BRCA1: variants seen among roughly 807,000 people sequenced by gnomAD.
BRCA1 encodes BRCA1 DNA repair associated.
A neutral mutation model predicts 173.7 loss-of-function variants in BRCA1; 140 were observed. The observed-to-expected ratio is 0.81, with a 90% confidence interval of 0.70 to 0.93. The LOEUF (loss-of-function observed/expected upper bound fraction) is 0.93. Among genes scored for constraint, BRCA1 ranks in the 40% least tolerant of loss-of-function variants. The pLI is 0.00. For synonymous variants in BRCA1, 662 were observed against 756.0 expected, an observed-to-expected ratio of 0.88 and a Z score of 2.04; for missense variants, 1,983 against 2,172.5, an observed-to-expected ratio of 0.91 and a Z score of 1.73.
chr17:43,145,183 G>A, intron 1 of BRCA1: 1 of 709,146 alleles, frequency 1.4e-6, no homozygotes. Flanking sequence ...TTTACCTGCA[G>A]AAAACAGGGG....
intron 3 of BRCA1, among the ~76,000 whole-genome samples, chr17:43,113,360 G>A (rs577051957): frequency 8.2e-5 from 12 of 146,922 alleles, no homozygotes; most frequent in Non-Finnish European, 1.8e-4. Flanking sequence ...TTTCCTGGAT[G>A]TATTTTCTTT....
chr17:43,131,112 A>T (rs2055961338), intron 1 of BRCA1: 1 of 182,460 alleles, frequency 5.5e-6, no homozygotes, highest in Non-Finnish European at 1.3e-5. Flanking sequence ...TTTTTTAACC[A>T]TATAAAATAT....
At position 43,093,913 on chromosome 17, in the gene BRCA1, C is replaced by T. The variant is rs730881471; in HGVS notation, c.1618G>A (p.Glu540Lys). 1 of 1,613,904 alleles carries T rather than the reference C, an allele frequency of 6.2e-7. No homozygotes were observed. The highest frequency in any genetic ancestry group is 1.7e-4 in the Middle Eastern group (1 of 6,056). ...EMINQGTNQT[E>K]QNGQVMNITN... The stretch of plus-strand genomic sequence containing the variant: ...ATATTCATCACTTGACCATTCTGCT[C>T]CGTTTGGTTAGTTCCCTGATTTATC... The change falls in exon 10 of 23, where the codon GAG (glutamate) becomes AAG (lysine). Residue 540 changes from glutamate (E) to lysine (K), a missense_variant. Glu to Lys is a moderately conservative substitution (Grantham distance 56). Coordinates refer to ENST00000357654, the MANE Select transcript of BRCA1 (RefSeq NM_007294.4).
intron 21 of BRCA1, 57 bp downstream of exon 21, chr17:43,049,064 T>A: frequency 6.5e-7 from 1 of 1,545,614 alleles, no homozygotes; most frequent in Non-Finnish European, 8.9e-7. Context: ...GGTGCCAGTC[T>A]TGCTCACAGG....
intron 1 of BRCA1, among the ~76,000 whole-genome samples, chr17:43,135,590 T>G (rs2056013359): frequency 6.6e-6 from 1 of 152,214 alleles, no homozygotes; most frequent in Admixed American, 6.5e-5. Context: ...TTCCCATGGT[T>G]CGCAGGTCGC....
rs397509199 is a variant in BRCA1 at position 43,071,076 on chromosome 17, CT to C, written c.4837del (p.Ser1613ValfsTer20). 6.2e-7 allele frequency: 1 copy of C among 1,614,156 alleles called. No homozygotes were observed. The highest frequency in any genetic ancestry group is 1.1e-5 in the South Asian group (1 of 91,086). On this transcript the variant is annotated frameshift_variant, in exon 15 of 23. Coordinates refer to ENST00000357654, the MANE Select transcript of BRCA1 (RefSeq NM_007294.4). LOFTEE classifies it high-confidence loss of function. ...PQLKVAESAQ[S>X]PAAAHTTDTA... ...ATCAGTAGTATGAGCAGCAGCTGGA[CT>C]CTGGGCAGATTCTGCAACTTTCAAT...
In BRCA1 at chr17:43,082,429, A is replaced by G. The variant is rs752824502; in HGVS notation, c.4332T>C (p.Asn1444=). 4.3e-6 allele frequency: 7 copies of G among 1,613,986 alleles called. No homozygotes were observed. In the Admixed American group the frequency reaches 1.2e-4, roughly 27 times the overall value. Residue 1444 remains asparagine, a synonymous_variant, in exon 12 of 23, where the codon AAT becomes AAC. Transcript: ENST00000357654. ...CTTTTTCTGATGTGCTTTGTTCTGG[A>G]TTTCGCAGGTCCTCAAGGGCAGAAG... ...SDSSALEDLR[N]PEQSTSEKAV... is the part of the protein sequence containing the mutation.
At position 43,106,368 on chromosome 17, in the gene BRCA1, G is replaced by A. The variant is rs184664249; in HGVS notation, c.212+88C>T. On this transcript the variant is annotated intron_variant, in intron 4 of 22. Transcript: ENST00000357654. ...CTTTTATAAATTTTTCTGATGAATG[G>A]TTTTATAGGAACGCTATGTTATTAA... 1.6e-4 allele frequency: 136 copies of A among 853,156 alleles called. 2 individuals are homozygous for A. The African/African-American group carries it at 1.8e-3, about 11-fold the overall frequency. 52.8% of individuals were successfully genotyped at this position (853,156 alleles called of 1,614,324 possible).
intron 2 of BRCA1, among the ~76,000 whole-genome samples, chr17:43,123,752 A>G (rs1439190019): frequency 1.3e-5 from 2 of 152,232 alleles, no homozygotes; most frequent in Admixed American, 1.3e-4. Flanking sequence ...GCCCCAGTGC[A>G]GAACCAATCA....
intron 1 of BRCA1, chr17:43,144,887 C>T (rs1427591169): frequency 1.9e-6 from 1 of 533,862 alleles, no homozygotes; most frequent in Non-Finnish European, 3.6e-6. Context: ...CCAGGCAGCC[C>T]AGCTTCGCGA....
At position 43,104,260 on chromosome 17, in the gene BRCA1, A is replaced by G. The variant is rs80356936; in HGVS notation, c.303T>C (p.Tyr101=). The G allele has an allele frequency of 1.2e-6, 2 of 1,609,204 alleles. No individual in the cohort carries two copies. Among genetic ancestry groups the G allele is most frequent in the Admixed American group, 1.7e-5 (1 of 59,942 alleles). The stretch of plus-strand genomic sequence containing the variant: ...TTTTTGCAAAATTATAGCTGTTTGC[A>G]TCTGTAAAATACAAGGGAAAACATT... The part of the protein sequence containing the change: ...CAFQLDTGLE[Y]ANSYNFAKKE... Residue 101 remains tyrosine (Y), a splice_region_variant and synonymous_variant, in exon 6 of 23, where the codon TAT becomes TAC. Transcript: ENST00000357654.
chr17:43,110,580 CCT>C (rs1222207844), intron 3 of BRCA1: 17 of 406,756 alleles, frequency 4.2e-5, no homozygotes, highest in Non-Finnish European at 8.2e-5. Context: ...AGAGTAAGAC[CCT>C]GTCTCAAAAA....
chr17:43,062,551 T>C (rs2153531068), intron 18 of BRCA1, among the ~76,000 whole-genome samples: 1 of 152,336 alleles, frequency 6.6e-6, no homozygotes, highest in East Asian at 1.9e-4. Context: ...ACTGTTTCTT[T>C]TGAAATCTAG....
chr17:43,110,606 T>C, intron 3 of BRCA1: 1 of 368,956 alleles, frequency 2.7e-6, no homozygotes, highest in South Asian at 2.0e-5. Context: ...AAAAAAAAAG[T>C]AGCTGTTGAA....
At chr17:43,127,228 C>G (rs2055911718), upstream of BRCA1, among the ~76,000 whole-genome samples, 1 of 152,248 alleles carries the variant, frequency 6.6e-6, no homozygotes, top group Non-Finnish European at 1.5e-5. Flanking sequence ...CAGCCCTGCG[C>G]AGGATCCACT....
chr17:43,156,425 T>C (rs2056197689), intron 1 of BRCA1, among the ~76,000 whole-genome samples: 1 of 152,170 alleles, frequency 6.6e-6, no homozygotes, highest in Non-Finnish European at 1.5e-5. Context: ...CAGAGCCACC[T>C]TGGGCTAACC....
At chr17:43,127,259 C>T (rs2154581229), upstream of BRCA1, among the ~76,000 whole-genome samples, 1 of 152,370 alleles carries the variant, frequency 6.6e-6, no homozygotes, top group East Asian at 1.9e-4. Flanking sequence ...AGCTGGGCTC[C>T]TGAGTCAGAT....
intron 1 of BRCA1, among the ~76,000 whole-genome samples, chr17:43,147,356 A>AT (rs2056130300): frequency 6.6e-6 from 1 of 151,922 alleles, no homozygotes; most frequent in Non-Finnish European, 1.5e-5. Context: ...CGCCCGGCTA[A>AT]TTTTTTGTAT....
chr17:43,050,940 T>C (rs538644113), intron 20 of BRCA1, 123 bp downstream of exon 20: 31 of 977,376 alleles, frequency 3.2e-5, no homozygotes, highest in East Asian at 5.0e-5. Context: ...GGTAGAGAAA[T>C]AGAATAGCCT....
Sources: allele counts gnomAD v4.1 joint callset (sites outside exome capture counted in the v4.1 genomes callset), GRCh38; gene constraint gnomAD v4.1.1; transcripts MANE v1.5; gene names NCBI Gene and HGNC (gene_info 2026-07-23, HGNC 2026-07-21).